The following TXLNA variants were observed in gnomAD, a reference collection of about 807,000 sequenced individuals.
TXLNA encodes the protein alpha-taxilin.
Under a neutral mutation model 61.4 loss-of-function variants are expected in TXLNA, and 9 were observed. That is an observed-to-expected ratio of 0.15 (90% CI 0.09 to 0.26). The LOEUF (loss-of-function observed/expected upper bound fraction) is 0.26. TXLNA is among the 10% of genes least tolerant of loss of function. The probability of loss-of-function intolerance (pLI) is 1.00; values close to 1 mark genes in which losing one functional copy is unlikely to be tolerated. For missense variants in TXLNA, 565 were observed against 688.8 expected (o/e 0.82, Z 2.01); for synonymous variants, 257 against 267.7 (o/e 0.96, Z 0.39).
At chr1:32,182,653 C>T (rs530158344) in intron 3 of TXLNA, among the ~76,000 whole-genome samples, 26 of 146,358 alleles carry the variant, frequency 1.8e-4, no homozygotes, top group Middle Eastern at 3.7e-3. Context: ...AAGAGTGAAA[C>T]TCTGTCTCAA....
rs1403105808 is a variant in TXLNA, at chr1:32,195,819, G to T, written c.*624G>T. 1 of 455,816 alleles carries T rather than the reference G, an allele frequency of 2.2e-6. No homozygotes were observed. The highest frequency in any genetic ancestry group is 4.4e-6 in the Non-Finnish European group (1 of 226,812). The allele number at this position is 455,816 out of a possible 1,614,324, so 28.2% of individuals were successfully genotyped here. ...GATGTGCTGGTCAGGAGCCCCTTGG[G>T]CATCGCTTCCCCTGCCCTTTGGTAG... On this transcript the variant is annotated 3_prime_UTR_variant, in exon 11 of 11. Transcript: ENST00000373610.
chr1:32,180,502 C>T lies in TXLNA; in HGVS notation c.157C>T (p.Arg53Trp), dbSNP rs374085046. Residue 53 changes from arginine to tryptophan, a missense_variant, in exon 2 of 11, where the codon CGG (arginine) becomes TGG (tryptophan). Arg to Trp is a moderately radical substitution (Grantham distance 101). Around this residue, in one of 2 missense-constraint regions of TXLNA, gnomAD observed 192 missense variants for 184.8 expected, o/e 1.04. Coordinates refer to ENST00000373610, the MANE Select transcript of TXLNA (RefSeq NM_175852.4). ...AEGPGSSQAPRKPEGAQARTA... is the reference protein window; with the variant it reads ...AEGPGSSQAPWKPEGAQARTA... The stretch of plus-strand genomic sequence containing the variant: ...AGGTCCCGGCAGCAGCCAGGCTCCT[C>T]GGAAGCCGGAGGGTGTGTGCCAGCT... The T allele has an allele frequency of 3.7e-6, 6 of 1,602,396 alleles. No homozygotes were observed. The African/African-American group carries it at 6.7e-5, about 18-fold the overall frequency.
intron 5 of TXLNA, among the ~76,000 whole-genome samples, chr1:32,189,008 T>G (rs563170043): frequency 6.6e-6 from 1 of 152,230 alleles, no homozygotes; most frequent in South Asian, 2.1e-4. Context: ...AATGAAATTA[T>G]TATACATGTA....
Position 32,194,907 on chromosome 1 carries a change from A to G in TXLNA, c.1353A>G (p.Thr451=). The change falls in exon 11 of 11, where the codon ACA becomes ACG. Residue 451 remains threonine (T), a synonymous_variant. Transcript: ENST00000373610. ...GGTCTCATTTCTTTCCCTAGAAAAC[A>G]GTCCGGGATAAAGAACTGGAGGGCC... ...KALLEMAEEK[T]VRDKELEGLQ... is the part of the protein sequence containing the mutation. 6.2e-7 allele frequency: 1 copy of G among 1,602,934 alleles called. No homozygotes were observed. The highest frequency in any genetic ancestry group is 8.5e-7 in the Non-Finnish European group (1 of 1,175,460).
At chr1:32,179,892 TATGCGC>T (rs1569584480) in intron 1 of TXLNA, 116 bp downstream of exon 1, 2 of 152,614 alleles carry the variant, frequency 1.3e-5, no homozygotes, top group East Asian at 3.9e-4. Flanking sequence ...TGTCTGGGGA[TATGCGC>T]ATGCGCGGGC....
chr1:32,190,448 C>T (rs1257528342), intron 6 of TXLNA, among the ~76,000 whole-genome samples, 199 bp downstream of exon 6: 1 of 152,078 alleles, frequency 6.6e-6, no homozygotes, highest in Non-Finnish European at 1.5e-5. Flanking sequence ...CCACACAGCC[C>T]CAGGTCCACA....
chr1:32,188,663 C>T (rs1642840608), intron 5 of TXLNA, among the ~76,000 whole-genome samples: 1 of 151,904 alleles, frequency 6.6e-6, no homozygotes, highest in African/African-American at 2.4e-5. Flanking sequence ...GTAGTGCAGG[C>T]TTGTGGCATA....
rs1643029218 is a variant in TXLNA at position 32,196,549 on chromosome 1, C to A, written c.*1354C>A. On this transcript the variant is annotated 3_prime_UTR_variant, in exon 11 of 11. Coordinates refer to ENST00000373610, the MANE Select transcript of TXLNA (RefSeq NM_175852.4). ...TTCTGTGTCCTGTTCTACCCCCACT[C>A]CAGTACATAACTACTATGTACTGTG... 6.6e-6 allele frequency: 1 copy of A among 152,240 alleles called. No individual in the cohort carries two copies. Among genetic ancestry groups the A allele is most frequent in the African/African-American group, 2.4e-5 (1 of 41,446 alleles). The allele number at this position is 152,240 out of a possible 1,614,324, so 9.4% of individuals were successfully genotyped here. A position where few individuals can be genotyped will look rare whatever the true frequency, so the allele number is the denominator to read the frequency against.
In TXLNA at chr1:32,192,479, G is replaced by A. The variant is rs755826595; in HGVS notation, c.1083+49G>A. The A allele has an allele frequency of 1.2e-6, 2 of 1,608,252 alleles. No individual in the cohort carries two copies. The highest frequency in any genetic ancestry group is 2.2e-5 in the East Asian group (1 of 44,752). On this transcript the variant is annotated intron_variant, in intron 7 of 10. Transcript: ENST00000373610. This position sits in a 1 kb window ranked among gnomAD's most constrained non-coding sequence, Gnocchi z 4.2. ...GGGTGGGGGTGGGAGGAGACAGGCT[G>A]GGCTCTGGCTCAGCTCATAGCCGGG...
Position 32,181,269 on chromosome 1 carries a change from G to A in TXLNA, c.197G>A (p.Gly66Glu). The A allele has an allele frequency of 6.2e-7, 1 of 1,606,520 alleles. No individual in the cohort carries two copies. The highest frequency in any genetic ancestry group is 8.5e-7 in the Non-Finnish European group (1 of 1,174,534). Residue 66 changes from glycine to glutamate, a missense_variant, in exon 3 of 11, where the codon GGG becomes GAG. Gly to Glu is a moderately conservative substitution (Grantham distance 98). Transcript: ENST00000373610. Reference sequence around the variant, plus strand: ...GCTCAAGCCAGAACGGCTCAGTCTGGGGCCCTTCGTGATGTCTCTGAGGAG... The same window carrying A: ...GCTCAAGCCAGAACGGCTCAGTCTGAGGCCCTTCGTGATGTCTCTGAGGAG... The part of the protein sequence containing the change: ...EGAQARTAQS[G>E]ALRDVSEELS...
At chr1:32,194,785 G>A in intron 10 of TXLNA, 117 bp from the exon 11 acceptor site, 1 of 1,260,346 alleles carries the variant, frequency 7.9e-7, no homozygotes, top group Non-Finnish European at 1.1e-6. Context: ...TTTCCTAGAG[G>A]GGGCCAGCTT....
In TXLNA at chr1:32,195,257, A is replaced by C. The variant is rs1172001586; in HGVS notation, c.*62A>C. The C allele has an allele frequency of 3.4e-6, 5 of 1,489,280 alleles. No individual in the cohort carries two copies. Among genetic ancestry groups the C allele is most frequent in the East Asian group, 2.3e-5 (1 of 43,546 alleles). 92.3% of individuals were successfully genotyped at this position (1,489,280 alleles called of 1,614,324 possible). Reference sequence around the variant, plus strand: ...CAGCCCAGCCAGGCCTGGCCCATAAAAGGCTCCCATGCTGAGCAGCCCATT... The same window carrying C: ...CAGCCCAGCCAGGCCTGGCCCATAACAGGCTCCCATGCTGAGCAGCCCATT... On this transcript the variant is annotated 3_prime_UTR_variant, in exon 11 of 11. Coordinates refer to ENST00000373610, the MANE Select transcript of TXLNA (RefSeq NM_175852.4).
chr1:32,192,220 G>A lies in TXLNA; in HGVS notation c.964-91G>A, dbSNP rs1214100309. 1.3e-6 allele frequency: 2 copies of A among 1,549,208 alleles called. No individual in the cohort carries two copies. The highest frequency in any genetic ancestry group is 2.3e-5 in the East Asian group (1 of 43,534). On this transcript the variant is annotated intron_variant, in intron 6 of 10. Coordinates refer to ENST00000373610, the MANE Select transcript of TXLNA (RefSeq NM_175852.4). This position sits in a 1 kb window ranked among gnomAD's most constrained non-coding sequence, Gnocchi z 4.2. ...CCATCATATCAGATTGAGATGGGGG[G>A]CTGGGCAAAGTGCCCTGGTCTGTGG... is the stretch of plus-strand genomic sequence containing the variant.
Position 32,179,759 on chromosome 1 carries a change from T to TA in TXLNA, c.-50_-49insA, listed in dbSNP as rs1159147217. On this transcript the variant is annotated 5_prime_UTR_variant, in exon 1 of 11. Coordinates refer to ENST00000373610, the MANE Select transcript of TXLNA (RefSeq NM_175852.4). Reference sequence around the variant, plus strand: ...TGCGAGGCCAGAGGTGGGGAAGCCATCGGACGTCGGCGGTGAGGTACGTGC... The same window carrying TA: ...TGCGAGGCCAGAGGTGGGGAAGCCATACGGACGTCGGCGGTGAGGTACGTGC... 1 of 152,488 alleles carries TA rather than the reference T, an allele frequency of 6.6e-6. No homozygotes were observed. The highest frequency in any genetic ancestry group is 1.5e-5 in the Non-Finnish European group (1 of 68,326). 9.4% of individuals were successfully genotyped at this position (152,488 alleles called of 1,614,324 possible).
rs1642993877 is a variant in TXLNA at position 32,195,252 on chromosome 1, C to T, written c.*57C>T. Reference sequence around the variant, plus strand: ...AGCGGCAGCCCAGCCAGGCCTGGCCCATAAAAGGCTCCCATGCTGAGCAGC... The same window carrying T: ...AGCGGCAGCCCAGCCAGGCCTGGCCTATAAAAGGCTCCCATGCTGAGCAGC... On this transcript the variant is annotated 3_prime_UTR_variant, in exon 11 of 11. Coordinates refer to ENST00000373610, the MANE Select transcript of TXLNA (RefSeq NM_175852.4). 6.7e-7 allele frequency: 1 copy of T among 1,502,766 alleles called. No homozygotes were observed. The highest frequency in any genetic ancestry group is 1.4e-5 in the South Asian group (1 of 73,962). 93.1% of individuals were successfully genotyped at this position (1,502,766 alleles called of 1,614,324 possible). A position where few individuals can be genotyped will look rare whatever the true frequency, so the allele number is the denominator to read the frequency against.
intron 9 of TXLNA, among the ~76,000 whole-genome samples, chr1:32,193,817 A>G (rs1309523632): frequency 6.6e-6 from 1 of 151,438 alleles, no homozygotes; most frequent in Admixed American, 6.6e-5. Context: ...TTGGCCTCCC[A>G]AAGTGCTGGG....
At position 32,181,420 on chromosome 1, in the gene TXLNA, T is replaced by C. The variant is rs1425265609; in HGVS notation, c.348T>C (p.Tyr116=). The change falls in exon 3 of 11, where the codon TAT becomes TAC. Residue 116 remains tyrosine, a synonymous_variant. Coordinates refer to ENST00000373610, the MANE Select transcript of TXLNA (RefSeq NM_175852.4). ...AAGATGCAGAGAAGTCCCGGACCTATGTGGCAAGGAATGGGGAGCCTGAAC... is the reference window on the plus strand; with the variant it reads ...AAGATGCAGAGAAGTCCCGGACCTACGTGGCAAGGAATGGGGAGCCTGAAC... ...EPEDAEKSRT[Y]VARNGEPEPT... is the part of the protein sequence containing the mutation. 1.2e-6 allele frequency: 2 copies of C among 1,614,088 alleles called. No individual in the cohort carries two copies. Among genetic ancestry groups the C allele is most frequent in the Non-Finnish European group, 1.7e-6 (2 of 1,180,054 alleles).
At chr1:32,185,116 C>T (rs1642753709) in intron 4 of TXLNA, among the ~76,000 whole-genome samples, 1 of 152,236 alleles carries the variant, frequency 6.6e-6, no homozygotes, top group African/African-American at 2.4e-5. Context: ...TTCTTTACCT[C>T]CTGGTACATG....
At chr1:32,186,234 G>T (rs1642786956) in intron 4 of TXLNA, among the ~76,000 whole-genome samples, 1 of 152,164 alleles carries the variant, frequency 6.6e-6, no homozygotes, top group Non-Finnish European at 1.5e-5. Context: ...GTAGAGGAGG[G>T]GAGCTGAGGC....
Sources: allele counts gnomAD v4.1 joint callset (sites outside exome capture counted in the v4.1 genomes callset), GRCh38; gene constraint gnomAD v4.1.1; regional missense constraint gnomAD v4.1.1; non-coding constraint Gnocchi (gnomAD v3.1); transcripts MANE v1.5; gene names NCBI Gene and HGNC (gene_info 2026-07-23, HGNC 2026-07-21).